The following PXT1 variants were observed in gnomAD, a reference collection of about 807,000 sequenced individuals.
PXT1 encodes the protein peroxisomal testis enriched protein 1.
A neutral mutation model predicts 11.0 loss-of-function variants in PXT1; 11 were observed. The ratio of observed to expected loss-of-function variants is 1.00; its 90% CI spans 0.63 to 1.66. The LOEUF (loss-of-function observed/expected upper bound fraction) is 1.66. Ranked by LOEUF, PXT1 falls within the 40% of genes most tolerant of loss-of-function variation. The probability of loss-of-function intolerance (pLI) is 0.00; values close to 1 mark genes in which losing one functional copy is unlikely to be tolerated. For missense variants in PXT1, 141 were observed against 155.5 expected, an observed-to-expected ratio of 0.91 and a Z score of 0.49; for synonymous variants, 43 against 51.4, an observed-to-expected ratio of 0.84 and a Z score of 0.70.
chr6:36,418,258 T>C (rs1220378445), intron 3 of PXT1, among the ~76,000 whole-genome samples: 1 of 152,212 alleles, frequency 6.6e-6, no homozygotes, highest in Non-Finnish European at 1.5e-5. Context: ...TTGTTGTTGT[T>C]GTTTGTTTTT....
intron 4 of PXT1, among the ~76,000 whole-genome samples, chr6:36,394,710 C>T (rs9470268): frequency 0.78 from 117,750 of 150,862 alleles, 46,123 homozygotes; most frequent in Non-Finnish European, 0.81. Flanking sequence ...CTAGAAAAAG[C>T]ATATGTCCCG....
chr6:36,439,342 T>C (rs1267599880), intron 1 of PXT1, among the ~76,000 whole-genome samples: 1 of 151,044 alleles, frequency 6.6e-6, no homozygotes, highest in Non-Finnish European at 1.5e-5. Flanking sequence ...CTGGGAGTGG[T>C]GGCTCACGCC....
chr6:36,398,859 G>A (rs1774177206), intron 4 of PXT1, among the ~76,000 whole-genome samples: 1 of 152,104 alleles, frequency 6.6e-6, no homozygotes, highest in Non-Finnish European at 1.5e-5. Flanking sequence ...ATCAGTCAGT[G>A]TGCCCTGATC....
chr6:36,436,462 A>G (rs1774765637), intron 2 of PXT1, among the ~76,000 whole-genome samples: 1 of 152,220 alleles, frequency 6.6e-6, no homozygotes, highest in Non-Finnish European at 1.5e-5. Flanking sequence ...GTAGAAAATA[A>G]TCATGGATAA....
rs183464499 is a variant in PXT1, at chr6:36,401,560, G to A, written c.170-976C>T. Among the ~76,000 whole-genome samples, 984 of 149,196 alleles carry A rather than the reference G, an allele frequency of 6.6e-3. 7 individuals carry two copies. Among genetic ancestry groups the A allele is most frequent in the African/African-American group, 0.022 (902 of 40,426 alleles). On this transcript the variant is annotated intron_variant, in intron 3 of 4. Transcript: ENST00000454782. The stretch of plus-strand genomic sequence containing the variant: ...TGAGCCCGGGAGGGGAGGCTGGAGC[G>A]AGCTATGATCACACCACTGCGCTCC...
intron 3 of PXT1, among the ~76,000 whole-genome samples, chr6:36,407,027 A>G (rs1469743821): frequency 6.6e-6 from 1 of 152,210 alleles, no homozygotes; most frequent in Non-Finnish European, 1.5e-5. Context: ...TCGAATGTAC[A>G]TAAAACTGTA....
chr6:36,430,132 G>A (rs1396595505), intron 2 of PXT1, among the ~76,000 whole-genome samples: 4 of 152,030 alleles, frequency 2.6e-5, no homozygotes, highest in African/African-American at 4.8e-5. Context: ...GCCTGAACCC[G>A]GGAAGCAGAG....
chr6:36,415,128 C>T (rs1029954992), intron 3 of PXT1, among the ~76,000 whole-genome samples: 1 of 152,100 alleles, frequency 6.6e-6, no homozygotes, highest in African/African-American at 2.4e-5. Flanking sequence ...AGTCTCTTGC[C>T]AAGGACAAAT....
intron 3 of PXT1, among the ~76,000 whole-genome samples, chr6:36,409,939 A>AAGAAAGAAGG (rs1774343793): frequency 7.0e-6 from 1 of 142,792 alleles, no homozygotes; most frequent in Non-Finnish European, 1.5e-5. Flanking sequence ...GGACGAAGGA[A>AAGAAAGAAGG]AGAAAGAAAG....
chr6:36,399,336 G>A (rs989074852), intron 4 of PXT1, among the ~76,000 whole-genome samples: 6 of 152,044 alleles, frequency 3.9e-5, no homozygotes, highest in Non-Finnish European at 7.4e-5. Flanking sequence ...CAGTAGAGAC[G>A]GGGTTTCACC....
At chr6:36,405,770 T>C (rs547833021) in intron 3 of PXT1, among the ~76,000 whole-genome samples, 1 of 152,308 alleles carries the variant, frequency 6.6e-6, no homozygotes, top group African/African-American at 2.4e-5. Context: ...AGATAACCAC[T>C]TTTTACTTTT....
intron 3 of PXT1, among the ~76,000 whole-genome samples, chr6:36,403,244 A>T (rs1011041953): frequency 6.6e-6 from 1 of 152,264 alleles, no homozygotes; most frequent in Non-Finnish European, 1.5e-5. Flanking sequence ...TAACTTGCCT[A>T]GGGTTTGAAA....
intron 3 of PXT1, among the ~76,000 whole-genome samples, chr6:36,415,447 A>AAATT (rs949737107): frequency 5.9e-5 from 9 of 152,272 alleles, no homozygotes; most frequent in East Asian, 5.8e-4. Context: ...CTGTCTCAAA[A>AAATT]AATTAATTAA....
intron 4 of PXT1, among the ~76,000 whole-genome samples, chr6:36,395,431 A>G (rs1420561877): frequency 1.3e-5 from 2 of 151,858 alleles, no homozygotes; most frequent in Admixed American, 6.6e-5. Context: ...AAATTCTGTT[A>G]AAGTTCCTTG....
At chr6:36,411,132 C>T (rs920476737) in intron 3 of PXT1, among the ~76,000 whole-genome samples, 1 of 152,128 alleles carries the variant, frequency 6.6e-6, no homozygotes, top group African/African-American at 2.4e-5. Flanking sequence ...GTTCATCTTA[C>T]AATTGATGGA....
chr6:36,395,148 A>G (rs745804362), intron 4 of PXT1, among the ~76,000 whole-genome samples: 23 of 152,204 alleles, frequency 1.5e-4, no homozygotes, highest in Non-Finnish European at 3.1e-4. Context: ...TTTGAGAAAC[A>G]CAGAACACTT....
rs975774758 is a variant in PXT1, at chr6:36,437,966, C to A, written c.-10+801G>T. Among the ~76,000 whole-genome samples the A allele has an allele frequency of 4.6e-5, 7 of 151,546 alleles. No individual in the cohort carries two copies. In the East Asian group the frequency reaches 1.4e-3, roughly 29 times the overall value. The stretch of plus-strand genomic sequence containing the variant: ...TCCCGAGTAGCTGGGATTACAGGAA[C>A]CTGCCACCACGCCCAGCTAATTTTT... On this transcript the variant is annotated intron_variant, in intron 2 of 4. Coordinates refer to ENST00000454782, the MANE Select transcript of PXT1 (RefSeq NM_152990.4).
intron 2 of PXT1, among the ~76,000 whole-genome samples, chr6:36,431,382 T>C (rs374382459): frequency 1.3e-5 from 2 of 152,224 alleles, no homozygotes; most frequent in South Asian, 2.1e-4. Context: ...CCTGGGGATA[T>C]AGCAGTGAAC....
At chr6:36,393,159 G>C (rs1419435185) in intron 4 of PXT1, 1 of 152,044 alleles carries the variant, frequency 6.6e-6, no homozygotes, top group Non-Finnish European at 1.5e-5. Flanking sequence ...ATTTTTAGTA[G>C]AGACAGGGTT....
Sources: gnomAD v4.1 joint callset for allele counts (sites outside exome capture counted in the v4.1 genomes callset) on GRCh38, gnomAD v4.1.1 for gene constraint, MANE v1.5 for transcripts, NCBI Gene and HGNC (gene_info 2026-07-23, HGNC 2026-07-21) for gene names.